PI4KA: variants seen among roughly 807,000 people sequenced by gnomAD.
PI4KA encodes phosphatidylinositol 4-kinase alpha.
PI4KA carries 122 observed loss-of-function variants against 271.4 expected under a neutral mutation model. That is an observed-to-expected ratio of 0.45 (90% confidence interval 0.39 to 0.52). The LOEUF (loss-of-function observed/expected upper bound fraction) is 0.52, where lower values mean the gene tolerates loss of function less well. Among genes scored for constraint, PI4KA ranks in the 20% least tolerant of loss-of-function variants. PI4KA has a pLI of 0.00. For missense variants in PI4KA, 1,969 were observed against 2,769.1 expected (o/e 0.71, Z 6.48); for synonymous variants, 1,041 against 1,078.8 (o/e 0.96, Z 0.69).
intron 47 of PI4KA, among the ~76,000 whole-genome samples, chr22:20,713,814 A>C (rs1458134002): frequency 6.6e-6 from 1 of 152,236 alleles, no homozygotes; most frequent in Non-Finnish European, 1.5e-5. Flanking sequence ...ACAGCTGGCC[A>C]CACCGTCTGT....
At chr22:20,819,938 T>C in intron 5 of PI4KA, 38 bp from the exon 6 acceptor site, 1 of 1,565,494 alleles carries the variant, frequency 6.4e-7, no homozygotes, top group Non-Finnish European at 8.8e-7. Context: ...TATAAGAAAG[T>C]ATCCTGATAG....
chr22:20,747,765 C>A, intron 28 of PI4KA, 63 bp from the exon 29 acceptor site: 1 of 1,534,860 alleles, frequency 6.5e-7, no homozygotes, highest in South Asian at 1.2e-5. Context: ...GGCAGGGTCT[C>A]GCTCTGTCAC....
chr22:20,820,030 G>T, intron 5 of PI4KA, 130 bp from the exon 6 acceptor site: 1 of 797,064 alleles, frequency 1.3e-6, no homozygotes, highest in Non-Finnish European at 2.0e-6. Context: ...TTCACAATAA[G>T]CCACAATAAT....
At chr22:20,795,393 T>C (rs1934922051) in intron 18 of PI4KA, among the ~76,000 whole-genome samples, 1 of 151,948 alleles carries the variant, frequency 6.6e-6, no homozygotes, top group South Asian at 2.1e-4. Context: ...TAGTTTAAAT[T>C]ATATGACCCA....
At chr22:20,816,604 C>A (rs1050687805) in intron 7 of PI4KA, among the ~76,000 whole-genome samples, 12 of 152,132 alleles carry the variant, frequency 7.9e-5, no homozygotes, top group Admixed American at 3.9e-4. Context: ...TGCACTCCAG[C>A]CTGGGTGACA....
Position 20,718,741 on chromosome 22 carries a change from C to G in PI4KA, c.5198G>C (p.Arg1733Pro), listed in dbSNP as rs770914654. Residue 1733 changes from arginine to proline, a missense_variant, in exon 44 of 55, where the codon CGG becomes CCG. Physicochemically the swap from Arg to Pro is moderately radical, Grantham distance 103 (BLOSUM62 -2). This residue lies in a region of PI4KA where 388 missense variants were observed against 521.5 expected (regional missense o/e 0.74). Transcript: ENST00000255882. Reference protein sequence around the residue: ...LSGPAKDFYQREFDFFNKITN... With the variant: ...LSGPAKDFYQPEFDFFNKITN... ...GATCTTGTTAAAGAAATCAAACTCC[C>G]GCTGGTAAAAGTCCTTCGCTGGGCC... is the stretch of plus-strand genomic sequence containing the variant. 1 of 1,613,944 alleles carries G rather than the reference C, an allele frequency of 6.2e-7. No homozygotes were observed. The highest frequency in any genetic ancestry group is 1.1e-5 in the South Asian group (1 of 91,076).
chr22:20,715,224 C>A (rs1001667953), intron 45 of PI4KA, among the ~76,000 whole-genome samples: 1 of 151,932 alleles, frequency 6.6e-6, no homozygotes, highest in African/African-American at 2.4e-5. Flanking sequence ...GCGCCTGTCA[C>A]CATGCCTGGC....
rs201708519 is a variant in PI4KA at position 20,723,035 on chromosome 22, C to CT, written c.4996-1618dup. Among the ~76,000 whole-genome samples the CT allele has an allele frequency of 8.4e-3, 1,227 of 145,440 alleles. 10 individuals carry two copies. Among genetic ancestry groups the CT allele is most frequent in the East Asian group, 0.053 (267 of 4,992 alleles). ...TTTATTAACTTTTGATTTACTGTTC[C>CT]TTTTTTTTTTTGAGACAGAGTCTCG... is the stretch of plus-strand genomic sequence containing the variant. On this transcript the variant is annotated intron_variant, in intron 42 of 54. Coordinates refer to ENST00000255882, the MANE Select transcript of PI4KA (RefSeq NM_058004.4).
rs1934974350 is a variant in PI4KA, at chr22:20,796,181, T to C, written c.2242A>G (p.Ser748Gly). Residue 748 changes from serine (S) to glycine (G), a missense_variant, in exon 18 of 55, where the codon AGC (serine) becomes GGC (glycine). This residue lies in a region of PI4KA where 368 missense variants were observed against 544.3 expected (regional missense o/e 0.68). Transcript: ENST00000255882. ...VQLGLEGKRA[S>G]ERASEKGPAL... is the part of the protein sequence containing the mutation. ...GGGCCCTTCTCGCTTGCCCTCTCGC[T>C]GGCTCGCTTCCCCTCCAGCCCCAGC... The C allele has an allele frequency of 1.9e-6, 3 of 1,613,886 alleles. No individual in the cohort carries two copies. The highest frequency in any genetic ancestry group is 1.1e-5 in the South Asian group (1 of 91,070).
At chr22:20,801,477 TG>T (rs1481446265) in intron 14 of PI4KA, among the ~76,000 whole-genome samples, 2 of 151,046 alleles carry the variant, frequency 1.3e-5, no homozygotes, top group Admixed American at 6.6e-5. Flanking sequence ...CCCAGCTACC[TG>T]GGAGGCTGAG....
intron 1 of PI4KA, among the ~76,000 whole-genome samples, chr22:20,841,472 C>A (rs1378983166): frequency 1.3e-5 from 2 of 151,764 alleles, no homozygotes; most frequent in Non-Finnish European, 2.9e-5. Flanking sequence ...CAACTAAAAA[C>A]ATTTAAATAG....
chr22:20,716,967 C>T (rs1354784716), intron 45 of PI4KA, among the ~76,000 whole-genome samples: 1 of 152,096 alleles, frequency 6.6e-6, no homozygotes, highest in Non-Finnish European at 1.5e-5. Flanking sequence ...AGAGAGAGGC[C>T]GGGCACAGTG....
intron 1 of PI4KA, among the ~76,000 whole-genome samples, chr22:20,847,162 AAAGT>A (rs1926376268): frequency 6.6e-6 from 1 of 152,134 alleles, no homozygotes; most frequent in Admixed American, 6.6e-5. Context: ...AAAAAAAAAA[AAAGT>A]AATAGCTAAT....
intron 19 of PI4KA, 42 bp from the exon 20 acceptor site, chr22:20,765,735 G>A (rs775519890): frequency 2.3e-6 from 3 of 1,306,238 alleles, no homozygotes; most frequent in Non-Finnish European, 3.3e-6. Flanking sequence ...GTTATTTGCT[G>A]AGGAAACCCT....
intron 1 of PI4KA, among the ~76,000 whole-genome samples, chr22:20,848,928 A>G (rs1388967673): frequency 6.6e-6 from 1 of 152,196 alleles, no homozygotes; most frequent in Admixed American, 6.5e-5. Context: ...ATATTTGCAA[A>G]TCATATATCT....
rs1208567434 is a variant in PI4KA at position 20,744,636 on chromosome 22, C to T, written c.3448G>A (p.Ala1150Thr). 19 of 1,613,698 alleles carry T rather than the reference C, an allele frequency of 1.2e-5. No individual in the cohort carries two copies. The highest frequency in any genetic ancestry group is 3.3e-5 in the Admixed American group (2 of 60,028). ...AAGGACAAGAGAAGCACCTCGCCCG[C>T]GTAGCGGTTGCGCAGATTCAGGGAT... The part of the protein sequence containing the change: ...MASLNLRNRY[A>T]GEVYGMIRFS... Residue 1150 changes from alanine to threonine, a missense_variant, in exon 30 of 55, where the codon GCG becomes ACG. By Grantham distance (58) the Ala-to-Thr change is moderately conservative. Transcript: ENST00000255882.
chr22:20,819,345 A>G (rs1922284028), intron 6 of PI4KA, among the ~76,000 whole-genome samples: 1 of 151,584 alleles, frequency 6.6e-6, no homozygotes, highest in Non-Finnish European at 1.5e-5. Flanking sequence ...TAAGAGAGTA[A>G]GTCTTGCTCA....
chr22:20,828,363 T>C (rs1333498320), intron 3 of PI4KA, among the ~76,000 whole-genome samples: 3 of 152,174 alleles, frequency 2.0e-5, no homozygotes, highest in African/African-American at 2.4e-5. Flanking sequence ...TCTTGCCTGA[T>C]TGCTCTGGCC....
chr22:20,812,390 G>GC (rs1157708526), intron 8 of PI4KA, among the ~76,000 whole-genome samples: 1 of 152,100 alleles, frequency 6.6e-6, no homozygotes, highest in African/African-American at 2.4e-5. Context: ...CAGGGAGGTG[G>GC]CCACTCCTCA....
Sources: gnomAD v4.1 joint callset for allele counts (sites outside exome capture counted in the v4.1 genomes callset) on GRCh38, gnomAD v4.1.1 for gene constraint, gnomAD v4.1.1 regional missense constraint, MANE v1.5 for transcripts, NCBI Gene and HGNC (gene_info 2026-07-23, HGNC 2026-07-21) for gene names.